The following FLACC1 variants were observed in gnomAD, a reference collection of about 807,000 sequenced individuals.
FLACC1 encodes the protein flagellum associated containing coiled-coil domains 1.
In FLACC1, 66 loss-of-function variants were observed where a neutral mutation model predicts 62.8. The ratio of observed to expected loss-of-function variants is 1.05; its 90% CI spans 0.86 to 1.29. The LOEUF is 1.29. Ranked by LOEUF, FLACC1 falls within the 50% of genes most tolerant of loss-of-function variation. The pLI is 0.00. For synonymous variants in FLACC1, 156 were observed against 161.0 expected (o/e 0.97, Z 0.24); for missense variants, 452 against 489.1 (o/e 0.92, Z 0.71).
upstream of FLACC1, among the ~76,000 whole-genome samples, chr2:201,359,750 C>T (rs991544087): frequency 8.5e-5 from 13 of 152,094 alleles, no homozygotes; most frequent in Non-Finnish European, 1.5e-4. Flanking sequence ...ACTATGGCTG[C>T]TTCAACTCTG....
intron 9 of FLACC1, among the ~76,000 whole-genome samples, chr2:201,310,010 C>T (rs1950187939): frequency 6.6e-6 from 1 of 150,952 alleles, no homozygotes; most frequent in African/African-American, 2.4e-5. Context: ...CACTTTTTCT[C>T]AGCAAATCTA....
chr2:201,294,399 A>G (rs1322735764), intron 12 of FLACC1, among the ~76,000 whole-genome samples: 2 of 152,228 alleles, frequency 1.3e-5, no homozygotes, highest in East Asian at 3.8e-4. Context: ...TCCAGCATAT[A>G]AACCGAACCA....
the FLACC1 span, among the ~76,000 whole-genome samples, chr2:201,363,547 C>G: frequency 1.3e-5 from 2 of 152,178 alleles, no homozygotes; most frequent in Admixed American, 1.3e-4. Context: ...GCTCCATGAC[C>G]AGGCAGATCA....
Position 201,289,855 on chromosome 2 carries a change from C to A in FLACC1, c.943-70G>T, listed in dbSNP as rs779189555. On this transcript the variant is annotated intron_variant, in intron 12 of 14. Coordinates refer to ENST00000392257, the MANE Select transcript of FLACC1 (RefSeq NM_001127391.3). Reference sequence around the variant, plus strand: ...TTATTTGGTCTCTTCTCCAGGGCACCTGGACTATGATGAAAGGGAGCAACC... The same window carrying A: ...TTATTTGGTCTCTTCTCCAGGGCACATGGACTATGATGAAAGGGAGCAACC... The A allele has an allele frequency of 1.4e-5, 23 of 1,611,222 alleles. No individual in the cohort carries two copies. In the East Asian group the frequency reaches 4.9e-4, roughly 34 times the overall value.
At chr2:201,290,128 G>A (rs1158886767) in intron 12 of FLACC1, among the ~76,000 whole-genome samples, 1 of 152,186 alleles carries the variant, frequency 6.6e-6, no homozygotes, top group Non-Finnish European at 1.5e-5. Flanking sequence ...GGGATTTGGA[G>A]GGGAAGGGAG....
At chr2:201,354,406 G>C (rs1951081401) in intron 1 of FLACC1, among the ~76,000 whole-genome samples, 1 of 152,138 alleles carries the variant, frequency 6.6e-6, no homozygotes, top group African/African-American at 2.4e-5. Context: ...CAGAGGCCTG[G>C]GACTAGGGAG....
chr2:201,355,419 G>A lies in FLACC1; in HGVS notation c.-48+1563C>T, dbSNP rs374412591. ...ATTTGCATTCAAAAGCCAGAAAGCA[G>A]AGGTAAATTGTATGGGTGATACAAT... On this transcript the variant is annotated intron_variant, in intron 1 of 14. Transcript: ENST00000392257. 2.0e-5 allele frequency among the ~76,000 whole-genome samples: 3 copies of A among 152,320 alleles called. No homozygotes were observed. In the East Asian group the frequency reaches 5.8e-4, roughly 29 times the overall value.
chr2:201,296,500 C>T (rs191425543), intron 12 of FLACC1, among the ~76,000 whole-genome samples: 2,249 of 106,570 alleles, frequency 0.021, 75 homozygotes, highest in African/African-American at 0.082. Flanking sequence ...CATCACACAC[C>T]GGGGCCTGTT....
rs747588479 is a variant in FLACC1 at position 201,346,520 on chromosome 2, C to T, written c.368+22G>A. 2 of 1,612,218 alleles carry T rather than the reference C, an allele frequency of 1.2e-6. No individual in the cohort carries two copies. The highest frequency in any genetic ancestry group is 1.3e-5 in the African/African-American group (1 of 75,042). On this transcript the variant is annotated intron_variant, in intron 5 of 14. Coordinates refer to ENST00000392257, the MANE Select transcript of FLACC1 (RefSeq NM_001127391.3). The surrounding 1 kb of genome is among the most constrained non-coding windows in gnomAD (Gnocchi z 4.0). ...GGGTGGGAGTAGCCCCAAGCAGCTG[C>T]ATGTTGCTGCAACAGCATTACCTGG...
At chr2:201,323,779 T>A in intron 9 of FLACC1, among the ~76,000 whole-genome samples, 1 of 15,328 alleles carries the variant, frequency 6.5e-5, no homozygotes, top group African/African-American at 1.7e-4. Context: ...AGAGCCAGAC[T>A]CTATCAAAAA....
intron 9 of FLACC1, among the ~76,000 whole-genome samples, chr2:201,322,594 T>A (rs1488295396): frequency 6.6e-6 from 1 of 151,986 alleles, no homozygotes; most frequent in East Asian, 1.9e-4. Flanking sequence ...CACAGTCAAA[T>A]CAAACATCAA....
At chr2:201,303,505 G>A (rs535550710) in intron 11 of FLACC1, among the ~76,000 whole-genome samples, 1 of 152,176 alleles carries the variant, frequency 6.6e-6, no homozygotes, top group South Asian at 2.1e-4. Flanking sequence ...AGAGGTACAA[G>A]GAGGAGCTGG....
chr2:201,290,689 A>G (rs1949713385), intron 12 of FLACC1, among the ~76,000 whole-genome samples: 1 of 152,142 alleles, frequency 6.6e-6, no homozygotes, highest in Non-Finnish European at 1.5e-5. Flanking sequence ...GGTGCAGTAC[A>G]GTGGGTGCAG....
At position 201,330,454 on chromosome 2, in the gene FLACC1, G is replaced by C. The variant is rs765967741; in HGVS notation, c.675+16C>G. 31 of 1,609,078 alleles carry C rather than the reference G, an allele frequency of 1.9e-5. No homozygotes were observed. The South Asian group carries it at 3.3e-4, about 17-fold the overall frequency. On this transcript the variant is annotated intron_variant, in intron 9 of 14. Coordinates refer to ENST00000392257, the MANE Select transcript of FLACC1 (RefSeq NM_001127391.3). ...CTTCCTTCTCTTGTAATCCAACAGG[G>C]AGCTGTGTATCTCACCTGATACGTA...
chr2:201,295,452 A>T (rs1050307960), intron 12 of FLACC1, among the ~76,000 whole-genome samples: 1 of 152,210 alleles, frequency 6.6e-6, no homozygotes, highest in Non-Finnish European at 1.5e-5. Context: ...AAAACTGGCT[A>T]GTCATATGTA....
At chr2:201,343,163 G>A (rs1033265525) in intron 6 of FLACC1, among the ~76,000 whole-genome samples, 8 of 152,162 alleles carry the variant, frequency 5.3e-5, no homozygotes, top group South Asian at 2.1e-4. Context: ...CTTCCACAGG[G>A]CCACACAACA....
intron 12 of FLACC1, among the ~76,000 whole-genome samples, chr2:201,298,275 A>G (rs549531078): frequency 1.2e-4 from 18 of 152,354 alleles, no homozygotes; most frequent in African/African-American, 3.8e-4. Context: ...ACGAAGCTTA[A>G]AAAGCAAGGC....
intron 12 of FLACC1, among the ~76,000 whole-genome samples, chr2:201,291,007 G>A (rs1278443505): frequency 6.6e-6 from 1 of 152,212 alleles, no homozygotes; most frequent in Non-Finnish European, 1.5e-5. Context: ...GCTGAGGATT[G>A]AGTAGGTAAA....
At chr2:201,309,101 C>T in intron 10 of FLACC1, 50 bp downstream of exon 10, 1 of 1,507,258 alleles carries the variant, frequency 6.6e-7, no homozygotes, top group South Asian at 1.1e-5. Flanking sequence ...AACTTCATGG[C>T]AGTTTTTTAA....
Sources: allele counts gnomAD v4.1 joint callset (sites outside exome capture counted in the v4.1 genomes callset), GRCh38; gene constraint gnomAD v4.1.1; non-coding constraint Gnocchi (gnomAD v3.1); transcripts MANE v1.5; gene names NCBI Gene and HGNC (gene_info 2026-07-23, HGNC 2026-07-21).